BAZ2A: variants seen among roughly 807,000 people sequenced by gnomAD.
The protein encoded by BAZ2A is bromodomain adjacent to zinc finger domain 2A, also known as bromodomain adjacent to zinc finger domain protein 2A.
In BAZ2A, 34 loss-of-function variants were observed where a neutral mutation model predicts 199.9. That is an observed-to-expected ratio of 0.17 (90% CI 0.13 to 0.23). The LOEUF is 0.23. BAZ2A is among the 10% of genes least tolerant of loss of function. BAZ2A has a pLI of 1.00. For synonymous variants in BAZ2A, 857 were observed against 883.9 expected (o/e 0.97, Z 0.54); for missense variants, 2,002 against 2,391.1 (o/e 0.84, Z 3.39).
chr12:56,614,918 G>C (rs1262127019), intron 3 of BAZ2A, 96 bp downstream of exon 3: 19 of 1,287,688 alleles, frequency 1.5e-5, no homozygotes, highest in African/African-American at 4.4e-5. Flanking sequence ...CCACTGCAGA[G>C]AGCTGGAAAG....
rs1885972608 is a variant in BAZ2A at position 56,597,674 on chromosome 12, A to ACACACACACACACACACACC, written c.*943_*944insGGTGTGTGTGTGTGTGTGTG. 7.0e-6 allele frequency: 1 copy of ACACACACACACACACACACC among 142,860 alleles called. No homozygotes were observed. Among genetic ancestry groups the ACACACACACACACACACACC allele is most frequent in the African/African-American group, 2.7e-5 (1 of 37,322 alleles). 8.8% of individuals were successfully genotyped at this position (142,860 alleles called of 1,614,324 possible). On this transcript the variant is annotated 3_prime_UTR_variant, in exon 29 of 29. Transcript: ENST00000549884. ...CACACACACACACACACACACACAC[A>ACACACACACACACACACACC]GCGCTCTCTCTGAGGCCGGCCCCAT... is the stretch of plus-strand genomic sequence containing the variant.
rs1273023257 is a variant in BAZ2A, at chr12:56,611,788, T to C, written c.1594A>G (p.Thr532Ala). The C allele has an allele frequency of 1.3e-6, 2 of 1,538,148 alleles. No homozygotes were observed. The highest frequency in any genetic ancestry group is 2.1e-5 in the Admixed American group (1 of 47,812). Residue 532 changes from threonine (T) to alanine (A), a missense_variant, in exon 6 of 29, where the codon ACT becomes GCT. By Grantham distance (58) the Thr-to-Ala change is moderately conservative. Around this residue, in one of 6 missense-constraint regions of BAZ2A, gnomAD observed 641 missense variants for 694.5 expected, o/e 0.92. Coordinates refer to ENST00000549884, the MANE Select transcript of BAZ2A (RefSeq NM_001300905.2). ...GGATACTCACCACTACCAGAAGCAG[T>C]GAGTCCTTCTCCAGTGATCTCTTCC... is the stretch of plus-strand genomic sequence containing the variant. Reference protein sequence around the residue: ...DVEEITGEGLTASGSGDVMRR... With the variant: ...DVEEITGEGLAASGSGDVMRR...
rs767801334 is a variant in BAZ2A at position 56,600,051 on chromosome 12, G to A, written c.4938C>T (p.Leu1646=). 18 of 1,613,950 alleles carry A rather than the reference G, an allele frequency of 1.1e-5. No individual in the cohort carries two copies. The highest frequency in any genetic ancestry group is 2.2e-5 in the South Asian group (2 of 91,086). Residue 1646 remains leucine (L), a synonymous_variant, in exon 25 of 29, where the codon CTC becomes CTT. Transcript: ENST00000549884. ...TPRIRVWRQT[L]ERCRSAAQVC... Reference sequence around the variant, plus strand: ...CCTGGGCTGCGCTCCGGCACCGCTCGAGGGTCTGGCGCCAGACACGAATGC... The same window carrying A: ...CCTGGGCTGCGCTCCGGCACCGCTCAAGGGTCTGGCGCCAGACACGAATGC...
intron 1 of BAZ2A, among the ~76,000 whole-genome samples, chr12:56,623,401 G>A (rs772011860): frequency 2.6e-5 from 4 of 152,182 alleles, no homozygotes; most frequent in Non-Finnish European, 4.4e-5. Context: ...GGATACTGCA[G>A]TGGTCCCTGC....
At chr12:56,620,628 C>T (rs544721673) in intron 1 of BAZ2A, among the ~76,000 whole-genome samples, 16 of 148,982 alleles carry the variant, frequency 1.1e-4, no homozygotes, top group East Asian at 5.9e-4. Context: ...GGTGTGATCT[C>T]GGCTCACTGC....
At chr12:56,609,459 AG>A (rs1339178945) in intron 10 of BAZ2A, among the ~76,000 whole-genome samples, 2 of 152,216 alleles carry the variant, frequency 1.3e-5, no homozygotes, top group East Asian at 3.9e-4. Flanking sequence ...AAAGATGGAA[AG>A]AAAGGGCAAG....
chr12:56,634,877 C>G, upstream of BAZ2A: 4 of 979,526 alleles, frequency 4.1e-6, no homozygotes, highest in Non-Finnish European at 4.9e-6. Context: ...GCAGGGATCC[C>G]GGGGCAGGAT....
chr12:56,620,938 C>T lies in BAZ2A; in HGVS notation c.-2-3406G>A, dbSNP rs553924703. 7.9e-5 allele frequency among the ~76,000 whole-genome samples: 12 copies of T among 152,258 alleles called. 1 individual carries two copies. In the South Asian group the frequency reaches 2.5e-3, roughly 32 times the overall value. ...AGATAAGCATCATGAGATTAATAAT[C>T]CTTCTTAAGTGCAAGAATTAAAGGA... On this transcript the variant is annotated intron_variant, in intron 1 of 28. Coordinates refer to ENST00000549884, the MANE Select transcript of BAZ2A (RefSeq NM_001300905.2).
intron 1 of BAZ2A, chr12:56,636,082 G>T: frequency 7.3e-7 from 1 of 1,377,642 alleles, no homozygotes; most frequent in Non-Finnish European, 1.0e-6. Context: ...CTCTCCTTCA[G>T]CCCCCAAATG....
intron 26 of BAZ2A, 39 bp from the exon 27 acceptor site, chr12:56,599,397 G>A (rs770923247): frequency 2.5e-6 from 4 of 1,580,412 alleles, no homozygotes; most frequent in African/African-American, 1.3e-5. Context: ...AACAGCTGGA[G>A]ATGCACTGCT....
At chr12:56,626,842 A>C (rs1224791479) in intron 1 of BAZ2A, among the ~76,000 whole-genome samples, 1 of 152,240 alleles carries the variant, frequency 6.6e-6, no homozygotes, top group Non-Finnish European at 1.5e-5. Flanking sequence ...GCAAAGGCTG[A>C]AGAAAGGGGA....
chr12:56,601,712 G>A lies in BAZ2A; in HGVS notation c.3905C>T (p.Pro1302Leu). 6.2e-7 allele frequency: 1 copy of A among 1,613,982 alleles called. No individual in the cohort carries two copies. The highest frequency in any genetic ancestry group is 1.3e-5 in the African/African-American group (1 of 75,030). The change falls in exon 20 of 29, where the codon CCC becomes CTC. Residue 1302 changes from proline to leucine, a missense_variant. Coordinates refer to ENST00000549884, the MANE Select transcript of BAZ2A (RefSeq NM_001300905.2). The stretch of plus-strand genomic sequence containing the variant: ...CTCATCAGGCTCTGGCTCCTCCGGG[G>A]GTTGTGATGGAGCTGGGTCTAGTTT... ...PGKLDPAPSQ[P>L]PEEPEPDEAE...
rs574753688 is a variant in BAZ2A at position 56,627,782 on chromosome 12, C to A, written c.-3+2343G>T. On this transcript the variant is annotated intron_variant, in intron 1 of 28. Coordinates refer to ENST00000549884, the MANE Select transcript of BAZ2A (RefSeq NM_001300905.2). ...TCGGGGCTGCAGTGAGCTATGATGGCGCCACTGCACTCCAGCCTGGGCATC... is the reference window on the plus strand; with the variant it reads ...TCGGGGCTGCAGTGAGCTATGATGGAGCCACTGCACTCCAGCCTGGGCATC... 2.1e-5 allele frequency among the ~76,000 whole-genome samples: 3 copies of A among 142,558 alleles called. No individual in the cohort carries two copies. The East Asian group carries it at 6.2e-4, about 29-fold the overall frequency. 93.5% of individuals were successfully genotyped at this position (142,558 alleles called of 152,430 possible).
In BAZ2A at chr12:56,614,246, A is replaced by G. The variant is rs954728973; in HGVS notation, c.731-108T>C. ...CTAGAAGGATGTTCATTCATTCAAC[A>G]TTTATTGCGGCCAGTTCATTGCTGG... On this transcript the variant is annotated intron_variant, in intron 3 of 28. Transcript: ENST00000549884. The G allele has an allele frequency of 3.4e-6, 4 of 1,172,032 alleles. No homozygotes were observed. In the South Asian group the frequency reaches 4.2e-5, roughly 12 times the overall value. 72.6% of individuals were successfully genotyped at this position (1,172,032 alleles called of 1,614,324 possible). A position where few individuals can be genotyped will look rare whatever the true frequency, so the allele number is the denominator to read the frequency against.
intron 1 of BAZ2A, among the ~76,000 whole-genome samples, chr12:56,623,738 C>T (rs1950996460): frequency 6.6e-6 from 1 of 152,050 alleles, no homozygotes; most frequent in African/African-American, 2.4e-5. Flanking sequence ...AGGCGTCCTT[C>T]AACAAACAGG....
Position 56,600,026 on chromosome 12 carries a change from C to T in BAZ2A, c.4963G>A (p.Val1655Met), listed in dbSNP as rs1886281499. The T allele has an allele frequency of 6.2e-7, 1 of 1,614,050 alleles. No individual in the cohort carries two copies. Among genetic ancestry groups the T allele is most frequent in the South Asian group, 1.1e-5 (1 of 91,086 alleles). Residue 1655 changes from valine to methionine, a missense_variant, in exon 25 of 29, where the codon GTG becomes ATG. This residue lies in a region of BAZ2A where 1,081 missense variants were observed against 1,274.7 expected (regional missense o/e 0.85). Transcript: ENST00000549884. ...TCCAGCTGGCCCAGGCACAAGCACA[C>T]CTGGGCTGCGCTCCGGCACCGCTCG... ...TLERCRSAAQ[V>M]CLCLGQLERS... is the part of the protein sequence containing the mutation.
rs1475494450 is a variant in BAZ2A, at chr12:56,605,246, G to C, written c.2575C>G (p.Leu859Val). Reference sequence around the variant, plus strand: ...CCCAGCACCTTGCCAAAGCTATGCAGGAACTCCACAATGGTCAAGCAGTCT... The same window carrying C: ...CCCAGCACCTTGCCAAAGCTATGCACGAACTCCACAATGGTCAAGCAGTCT... The part of the protein sequence containing the change: ...FSDCLTIVEF[L>V]HSFGKVLGFD... Residue 859 changes from leucine (L) to valine (V), a missense_variant, in exon 14 of 29, where the codon CTG becomes GTG. Coordinates refer to ENST00000549884, the MANE Select transcript of BAZ2A (RefSeq NM_001300905.2). 1.2e-6 allele frequency: 2 copies of C among 1,613,852 alleles called. No homozygotes were observed. The highest frequency in any genetic ancestry group is 3.3e-5 in the Admixed American group (2 of 60,012).
Position 56,609,911 on chromosome 12 carries a change from G to A in BAZ2A, c.1917C>T (p.Ile639=), listed in dbSNP as rs1193256668. 4.3e-6 allele frequency: 7 copies of A among 1,612,646 alleles called. No homozygotes were observed. Among genetic ancestry groups the A allele is most frequent in the Non-Finnish European group, 5.9e-6 (7 of 1,179,744 alleles). Residue 639 remains isoleucine (I), a synonymous_variant, in exon 10 of 29, where the codon ATC becomes ATT. Transcript: ENST00000549884. ...CAGTAATTGCCTGAATCCTCGACGG[G>A]ATCTCCTCTGCTGAGAGCTGCACCC... ...LQWVQLSAEE[I]PSRIQAITGK...
At chr12:56,631,267 A>G (rs879401880), upstream of BAZ2A, among the ~76,000 whole-genome samples, 2 of 151,980 alleles carry the variant, frequency 1.3e-5, no homozygotes, top group Non-Finnish European at 2.9e-5. Context: ...CCTGACCAAC[A>G]TGATGAAACC....
Sources: allele counts gnomAD v4.1 joint callset (sites outside exome capture counted in the v4.1 genomes callset), GRCh38; gene constraint gnomAD v4.1.1; regional missense constraint gnomAD v4.1.1; transcripts MANE v1.5; gene names NCBI Gene and HGNC (gene_info 2026-07-23, HGNC 2026-07-21).